HTR2C: variants seen among roughly 807,000 people sequenced by gnomAD.
HTR2C encodes 5-hydroxytryptamine (serotonin) receptor 2C, G protein-coupled.
In HTR2C, 5 loss-of-function variants were observed where a neutral mutation model predicts 21.0. The observed-to-expected ratio is 0.24, with a 90% CI of 0.12 to 0.50. The LOEUF (loss-of-function observed/expected upper bound fraction) is 0.50, where lower values mean the gene tolerates loss of function less well. Ranked by LOEUF, HTR2C falls within the 20% of genes least tolerant of loss-of-function variation. HTR2C has a pLI of 0.98. For synonymous variants in HTR2C, 150 were observed against 145.3 expected, an observed-to-expected ratio of 1.03 and a Z score of -0.23; for missense variants, 271 against 371.2, an observed-to-expected ratio of 0.73 and a Z score of 2.22.
intron 2 of HTR2C, among the ~76,000 whole-genome samples, chrX:114,666,248 G>A (rs1433720164): frequency 8.9e-6 from 1 of 111,812 alleles, no homozygotes; most frequent in East Asian, 2.8e-4. Flanking sequence ...TTCTGAGCTT[G>A]ATTTCTTTGC....
At chrX:114,806,588 CATATATATCAT>C (rs1569495918) in intron 4 of HTR2C, among the ~76,000 whole-genome samples, 1 of 92,767 alleles carries the variant, frequency 1.1e-5, no homozygotes, top group African/African-American at 4.0e-5. Context: ...TCATATATAT[CATATATATCAT>C]ATATACACCA....
chrX:114,726,087 G>A (rs1556421878), intron 2 of HTR2C, among the ~76,000 whole-genome samples: 2 of 112,156 alleles, frequency 1.8e-5, no homozygotes, highest in Non-Finnish European at 3.8e-5. Context: ...AGCAAGCCTG[G>A]GCAATGGCGG....
chrX:114,841,438 A>G (rs1391184701), intron 4 of HTR2C, among the ~76,000 whole-genome samples: 3 of 112,241 alleles, frequency 2.7e-5, no homozygotes, highest in African/African-American at 6.5e-5. Flanking sequence ...AAGAACACCA[A>G]TGTTAAAAAC....
intron 3 of HTR2C, among the ~76,000 whole-genome samples, chrX:114,728,210 T>G (rs782438585): frequency 6.3e-5 from 7 of 111,970 alleles, no homozygotes; most frequent in Admixed American, 4.8e-4. Context: ...ATACTAAGAA[T>G]GTAAAGTTAT....
chrX:114,747,455 A>G (rs782773723), intron 4 of HTR2C, among the ~76,000 whole-genome samples: 1 of 112,243 alleles, frequency 8.9e-6, no homozygotes, highest in Non-Finnish European at 1.9e-5. Context: ...TGGTTTGAAG[A>G]TGACATAATT....
rs1048212486 is a variant in HTR2C, at chrX:114,861,746, C to T, written c.550+13543C>T. The stretch of plus-strand genomic sequence containing the variant: ...CTGATGATTAATTGATGTTGCGCAC[C>T]TCTACATATACCTGTTGGAGATTTT... On this transcript the variant is annotated intron_variant, in intron 5 of 5. Coordinates refer to ENST00000276198, the MANE Select transcript of HTR2C (RefSeq NM_000868.4). Among the ~76,000 whole-genome samples the T allele has an allele frequency of 4.5e-5, 5 of 111,217 alleles. No homozygotes were observed. The East Asian group carries it at 1.1e-3, about 25-fold the overall frequency.
chrX:114,677,616 CA>C (rs1251000817), intron 2 of HTR2C, among the ~76,000 whole-genome samples: 2 of 111,124 alleles, frequency 1.8e-5, no homozygotes, highest in African/African-American at 6.5e-5. Context: ...TATTTTGAAA[CA>C]ACATAAGACT....
At chrX:114,594,808 T>A (rs1008068246) in intron 1 of HTR2C, among the ~76,000 whole-genome samples, 9 of 111,532 alleles carry the variant, frequency 8.1e-5, no homozygotes, top group African/African-American at 2.6e-4. Flanking sequence ...CAAGTATTTT[T>A]AAAATTTTCT....
intron 4 of HTR2C, among the ~76,000 whole-genome samples, chrX:114,784,682 C>T (rs1196467221): frequency 9.3e-6 from 1 of 107,672 alleles, no homozygotes; most frequent in East Asian, 3.0e-4. Context: ...TGCAGTGGCG[C>T]GATCTCAGCT....
intron 4 of HTR2C, among the ~76,000 whole-genome samples, chrX:114,807,510 C>CATATATATACACCAT (rs2070488165): frequency 2.5e-5 from 1 of 40,678 alleles, no homozygotes; most frequent in African/African-American, 6.6e-5. Flanking sequence ...ATATATACAC[C>CATATATATACACCAT]ATATATATAT....
chrX:114,741,624 A>C (rs1471026456), intron 4 of HTR2C, among the ~76,000 whole-genome samples: 1 of 101,892 alleles, frequency 9.8e-6, no homozygotes, highest in African/African-American at 3.5e-5. Flanking sequence ...AAAAAAAAAA[A>C]AAACCCACAG....
chrX:114,716,461 T>A (rs1165235646), intron 2 of HTR2C, among the ~76,000 whole-genome samples: 3 of 111,190 alleles, frequency 2.7e-5, no homozygotes, highest in Non-Finnish European at 5.7e-5. Context: ...GAAAAAAATT[T>A]TTTTTTCCAT....
intron 2 of HTR2C, among the ~76,000 whole-genome samples, chrX:114,644,362 AATATATATATATATATATATATAT>A (rs782451317): frequency 1.1e-3 from 43 of 38,251 alleles, no homozygotes; most frequent in African/African-American, 5.0e-3. Flanking sequence ...TAAATAAATA[AATATATATATATATATATATATAT>A]ATATATATAT....
At chrX:114,861,429 A>G (rs1240552122) in intron 5 of HTR2C, among the ~76,000 whole-genome samples, 3 of 111,467 alleles carry the variant, frequency 2.7e-5, no homozygotes, top group Admixed American at 9.6e-5. Context: ...TCATTCATTC[A>G]TGGATTCTTA....
chrX:114,637,388 G>A (rs984002915), intron 2 of HTR2C, among the ~76,000 whole-genome samples: 1 of 111,437 alleles, frequency 9.0e-6, no homozygotes. Flanking sequence ...GAAAACTTCT[G>A]ACTAAACAAG....
intron 5 of HTR2C, among the ~76,000 whole-genome samples, chrX:114,889,928 G>T (rs782382200): frequency 2.7e-5 from 3 of 111,635 alleles, no homozygotes; most frequent in Non-Finnish European, 5.6e-5. Context: ...TATCTTGAAT[G>T]AATGTTTCCC....
chrX:114,839,009 C>T (rs1556464844), intron 4 of HTR2C, among the ~76,000 whole-genome samples: 1 of 112,224 alleles, frequency 8.9e-6, no homozygotes, highest in Non-Finnish European at 1.9e-5. Context: ...ACATGATCAA[C>T]TTCCATGGTG....
chrX:114,836,740 CT>C (rs1353977246), intron 4 of HTR2C, among the ~76,000 whole-genome samples: 1 of 112,077 alleles, frequency 8.9e-6, no homozygotes, highest in Admixed American at 9.4e-5. Flanking sequence ...CCCTCGGTAA[CT>C]TTTTAAAACA....
chrX:114,882,428 A>G (rs1381782488), intron 5 of HTR2C, among the ~76,000 whole-genome samples: 1 of 110,895 alleles, frequency 9.0e-6, no homozygotes, highest in African/African-American at 3.3e-5. Flanking sequence ...TCCTTATCTT[A>G]CGAGGAAAGT....
Sources: allele counts gnomAD v4.1 joint callset (sites outside exome capture counted in the v4.1 genomes callset), GRCh38; gene constraint gnomAD v4.1.1; transcripts MANE v1.5; gene names NCBI Gene and HGNC (gene_info 2026-07-23, HGNC 2026-07-21).